The following AMOTL2 variants were observed in gnomAD, a reference collection of about 807,000 sequenced individuals.
AMOTL2 encodes the protein angiomotin like 2.
AMOTL2 carries 33 observed loss-of-function variants against 78.4 expected under a neutral mutation model. That is an observed-to-expected ratio of 0.42 (90% CI 0.32 to 0.56). AMOTL2 has a LOEUF of 0.56. Ranked by LOEUF, AMOTL2 falls within the 20% of genes least tolerant of loss-of-function variation. The probability of loss-of-function intolerance (pLI) is 0.12; values close to 1 mark genes in which losing one functional copy is unlikely to be tolerated. For missense variants in AMOTL2, 983 were observed against 1,030.1 expected (o/e 0.95, Z 0.63); for synonymous variants, 422 against 428.8 (o/e 0.98, Z 0.20).
intron 7 of AMOTL2, 119 bp downstream of exon 7, chr3:134,359,987 G>A (rs1037953405): frequency 9.9e-6 from 11 of 1,108,976 alleles, no homozygotes; most frequent in South Asian, 1.6e-5. Context: ...TCAGAAGCAG[G>A]AGGGACTGCT....
chr3:134,359,648 A>T (rs1309637158), intron 7 of AMOTL2, 145 bp from the exon 8 acceptor site: 6 of 676,498 alleles, frequency 8.9e-6, no homozygotes, highest in Non-Finnish European at 1.5e-5. Context: ...TGTAGCAGGG[A>T]CCCAGAGAGG....
upstream of AMOTL2, chr3:134,375,074 C>T: frequency 1.4e-6 from 2 of 1,468,508 alleles, no homozygotes; most frequent in Non-Finnish European, 1.8e-6. Context: ...TCACCCCCAG[C>T]GGCAACCTTT....
In AMOTL2 at chr3:134,360,433, G is replaced by C; in HGVS notation, c.1576-20C>G. 1 of 1,596,578 alleles carries C rather than the reference G, an allele frequency of 6.3e-7. No individual in the cohort carries two copies. The highest frequency in any genetic ancestry group is 8.5e-7 in the Non-Finnish European group (1 of 1,171,286). On this transcript the variant is annotated intron_variant, in intron 6 of 9. Coordinates refer to ENST00000249883, the MANE Select transcript of AMOTL2 (RefSeq NM_016201.4). ...CTGTCTCTGCAGAGCAAGGAGTAGA[G>C]ACCGTGGTCAAGGGTGCAGGTTGGG...
Position 134,366,278 on chromosome 3 carries a change from C to G in AMOTL2, c.1186+5G>C, listed in dbSNP as rs1169779833. 3.1e-6 allele frequency: 5 copies of G among 1,613,944 alleles called. No individual in the cohort carries two copies. Among genetic ancestry groups the G allele is most frequent in the Non-Finnish European group, 4.2e-6 (5 of 1,179,926 alleles). On this transcript the variant is annotated splice_donor_5th_base_variant and intron_variant, in intron 4 of 9. Transcript: ENST00000249883. Reference sequence around the variant, plus strand: ...CCAACCTCCACCTGTGTGACTGGCTCTCACCTCTAAGATCCCGGTTGAAGT... The same window carrying G: ...CCAACCTCCACCTGTGTGACTGGCTGTCACCTCTAAGATCCCGGTTGAAGT...
chr3:134,375,321 A>G (rs1197641189), upstream of AMOTL2: 2 of 1,308,348 alleles, frequency 1.5e-6, no homozygotes, highest in Non-Finnish European at 1.1e-6. Context: ...CCTGCCAAGC[A>G]CCCTCCAACG....
In AMOTL2 at chr3:134,370,693, G is replaced by C. The variant is rs1042020278; in HGVS notation, c.734+7C>G. ...GGAGTTGGAAAGCCCAAGGTGGGGA[G>C]AGTTACCTGACTTCAGCATGCTGGA... On this transcript the variant is annotated splice_region_variant and intron_variant, in intron 2 of 9. Transcript: ENST00000249883. 6.6e-6 allele frequency: 10 copies of C among 1,509,108 alleles called. No individual in the cohort carries two copies. In the Admixed American group the frequency reaches 2.1e-4, roughly 31 times the overall value. The allele number at this position is 1,509,108 out of a possible 1,614,324, so 93.5% of individuals were successfully genotyped here.
Position 134,357,650 on chromosome 3 carries a change from G to C in AMOTL2, c.*55C>G. 1 of 1,566,510 alleles carries C rather than the reference G, an allele frequency of 6.4e-7. No homozygotes were observed. The highest frequency in any genetic ancestry group is 1.1e-5 in the South Asian group (1 of 90,088). ...CGGGGCTGCTGAAATGGCTGAGAGT[G>C]GCACAGGGCAGAGGAGGGGAGAGAA... On this transcript the variant is annotated 3_prime_UTR_variant, in exon 10 of 10. Transcript: ENST00000249883.
At chr3:134,369,731 G>A (rs1180179247) in intron 2 of AMOTL2, among the ~76,000 whole-genome samples, 1 of 152,184 alleles carries the variant, frequency 6.6e-6, no homozygotes, top group Non-Finnish European at 1.5e-5. Flanking sequence ...TTTGACCTTG[G>A]GCCACCAGAG....
In AMOTL2 at chr3:134,358,512, G is replaced by A. The variant is rs763281041; in HGVS notation, c.2284+28C>T. ...CCCAGTGCCCCCTCGGCCCTACCTA[G>A]CACAGAAGTGGGGTCAGGAGGACTT... On this transcript the variant is annotated intron_variant, in intron 9 of 9. Coordinates refer to ENST00000249883, the MANE Select transcript of AMOTL2 (RefSeq NM_016201.4). 6.2e-5 allele frequency: 99 copies of A among 1,603,468 alleles called. 1 individual carries two copies. In the South Asian group the frequency reaches 1.1e-3, roughly 18 times the overall value.
At chr3:134,374,240 C>A (rs1457536560) in intron 1 of AMOTL2, 102 bp downstream of exon 1, 5 of 985,308 alleles carry the variant, frequency 5.1e-6, no homozygotes, top group African/African-American at 1.7e-5. Flanking sequence ...CTCGAGGCTC[C>A]GACTCCCGGA....
Position 134,371,568 on chromosome 3 carries a change from G to A in AMOTL2, c.-61-74C>T, listed in dbSNP as rs2017868658. The A allele has an allele frequency of 1.4e-5, 20 of 1,479,226 alleles. No homozygotes were observed. The South Asian group carries it at 2.3e-4, about 17-fold the overall frequency. The allele number at this position is 1,479,226 out of a possible 1,614,324, so 91.6% of individuals were successfully genotyped here. ...CATGGGAAAGGAGAAGGCTTTCCAG[G>A]ATTTCCATTATTACTCTGGTGGAAA... On this transcript the variant is annotated intron_variant, in intron 1 of 9. Transcript: ENST00000249883.
chr3:134,359,996 C>A lies in AMOTL2; in HGVS notation c.1883+110G>T, dbSNP rs558685849. 50 of 1,237,534 alleles carry A rather than the reference C, an allele frequency of 4.0e-5. No homozygotes were observed. In the African/African-American group the frequency reaches 7.4e-4, roughly 18 times the overall value. 76.7% of individuals were successfully genotyped at this position (1,237,534 alleles called of 1,614,324 possible). A position where few individuals can be genotyped will look rare whatever the true frequency, so the allele number is the denominator to read the frequency against. On this transcript the variant is annotated intron_variant, in intron 7 of 9. Transcript: ENST00000249883. ...TTCAGCTCAGAAGCAGGAGGGACTGCTGAGCTCTATGGGGAAAGGGGCCTG... is the reference window on the plus strand; with the variant it reads ...TTCAGCTCAGAAGCAGGAGGGACTGATGAGCTCTATGGGGAAAGGGGCCTG...
At chr3:134,371,637 G>A (rs1234708337) in intron 1 of AMOTL2, 143 bp from the exon 2 acceptor site, 1 of 1,347,354 alleles carries the variant, frequency 7.4e-7, no homozygotes, top group African/African-American at 1.5e-5. Context: ...ACACAAGCCT[G>A]GGTTCAAGTA....
chr3:134,372,558 A>ACACACACACACAC (rs1553723538), intron 1 of AMOTL2, among the ~76,000 whole-genome samples: 2 of 46,614 alleles, frequency 4.3e-5, no homozygotes, highest in South Asian at 9.3e-4. Context: ...CACACACACA[A>ACACACACACACAC]ACACACACAC....
intron 5 of AMOTL2, among the ~76,000 whole-genome samples, chr3:134,362,468 C>T (rs1322314344): frequency 6.6e-6 from 1 of 152,178 alleles, no homozygotes. Context: ...GGCGTTTGTA[C>T]TTATAGGCCA....
In AMOTL2 at chr3:134,367,480, G is replaced by T. The variant is rs771471476; in HGVS notation, c.1041+17C>A. 6 of 1,608,524 alleles carry T rather than the reference G, an allele frequency of 3.7e-6. 1 individual carries two copies. In the Admixed American group the frequency reaches 1.0e-4, roughly 27 times the overall value. ...TCTCTTTCTGGTCTGCCCTTCTGAA[G>T]CCCCAGCAGGGCCTACCTTCTCAAT... On this transcript the variant is annotated intron_variant, in intron 3 of 9. Transcript: ENST00000249883.
At position 134,365,713 on chromosome 3, in the gene AMOTL2, G is replaced by C. The variant is rs75236272; in HGVS notation, c.1279+104C>G. The C allele has an allele frequency of 4.3e-3, 4,501 of 1,048,882 alleles. 143 individuals carry two copies. The African/African-American group carries it at 0.062, about 14-fold the overall frequency. The allele number at this position is 1,048,882 out of a possible 1,614,324, so 65.0% of individuals were successfully genotyped here. On this transcript the variant is annotated intron_variant, in intron 5 of 9. Coordinates refer to ENST00000249883, the MANE Select transcript of AMOTL2 (RefSeq NM_016201.4). ...AGTGGGCAGTAAACCTGCTCCCAAAGTACTACTTTGCAAGGGGGAAGGCCA... is the reference window on the plus strand; with the variant it reads ...AGTGGGCAGTAAACCTGCTCCCAAACTACTACTTTGCAAGGGGGAAGGCCA...
At chr3:134,368,264 A>G (rs2017697080) in intron 2 of AMOTL2, among the ~76,000 whole-genome samples, 1 of 152,292 alleles carries the variant, frequency 6.6e-6, no homozygotes, top group Non-Finnish European at 1.5e-5. Flanking sequence ...GCCCCAGGAC[A>G]ACTTTGGTGG....
At position 134,356,088 on chromosome 3, in the gene AMOTL2, ATTAAG is replaced by A. The variant is rs1397048546; in HGVS notation, c.*1612_*1616del. On this transcript the variant is annotated 3_prime_UTR_variant, in exon 10 of 10. Transcript: ENST00000249883. ...AATACCAAATATTAATCCAAAATATATTAAGTTGTTTTTTTTCTTTCACAATATTT... is the reference window on the plus strand; with the variant it reads ...AATACCAAATATTAATCCAAAATATATTGTTTTTTTTCTTTCACAATATTT... 3.3e-5 allele frequency: 5 copies of A among 152,646 alleles called. No individual in the cohort carries two copies. Among genetic ancestry groups the A allele is most frequent in the South Asian group, 2.1e-4 (1 of 4,828 alleles). 9.5% of individuals were successfully genotyped at this position (152,646 alleles called of 1,614,324 possible).
Sources: allele counts gnomAD v4.1 joint callset (sites outside exome capture counted in the v4.1 genomes callset), GRCh38; gene constraint gnomAD v4.1.1; transcripts MANE v1.5; gene names NCBI Gene and HGNC (gene_info 2026-07-23, HGNC 2026-07-21).